SLC44A5: variants seen among roughly 807,000 people sequenced by gnomAD.
SLC44A5 encodes choline transporter-like protein 5.
A neutral mutation model predicts 101.8 loss-of-function variants in SLC44A5; 57 were observed. That is an observed-to-expected ratio of 0.56 (90% CI 0.45 to 0.70). The LOEUF is 0.70. SLC44A5 is among the 30% of genes least tolerant of loss of function. The pLI, the probability that SLC44A5 is intolerant of heterozygous loss-of-function variation, is 0.00. For synonymous variants in SLC44A5, 281 were observed against 290.9 expected (o/e 0.97, Z 0.35); for missense variants, 737 against 853.1 (o/e 0.86, Z 1.70).
chr1:75,465,881 G>A (rs1379660685), intron 2 of SLC44A5, among the ~76,000 whole-genome samples: 3 of 152,114 alleles, frequency 2.0e-5, no homozygotes, highest in Admixed American at 6.6e-5. Flanking sequence ...GATTGAAGCT[G>A]TTATAAAGTC....
intron 3 of SLC44A5, among the ~76,000 whole-genome samples, chr1:75,377,061 G>A (rs1033821066): frequency 1.3e-5 from 2 of 152,182 alleles, no homozygotes; most frequent in African/African-American, 4.8e-5. Flanking sequence ...GCTATCAACT[G>A]GAAGAAAGGG....
intron 4 of SLC44A5, among the ~76,000 whole-genome samples, chr1:75,310,219 C>G (rs1320949438): frequency 6.6e-6 from 1 of 152,156 alleles, no homozygotes; most frequent in Non-Finnish European, 1.5e-5. Context: ...TTAAATACAA[C>G]AGGAAGTGCT....
chr1:75,722,732 C>A, the SLC44A5 span, among the ~76,000 whole-genome samples: 1 of 152,134 alleles, frequency 6.6e-6, no homozygotes, highest in African/African-American at 2.4e-5. Context: ...AAAACAGTTC[C>A]TTTTGTCTTA....
At chr1:75,319,012 T>C (rs547952753) in intron 4 of SLC44A5, among the ~76,000 whole-genome samples, 1 of 152,182 alleles carries the variant, frequency 6.6e-6, no homozygotes, top group South Asian at 2.1e-4. Context: ...TATGTAAATC[T>C]TCAGAGATAT....
At chr1:75,692,380 A>G in the SLC44A5 span, among the ~76,000 whole-genome samples, 32 of 151,886 alleles carry the variant, frequency 2.1e-4, no homozygotes, top group Admixed American at 2.0e-3. Flanking sequence ...TATTTTTAAT[A>G]AAGACGGGGT....
At chr1:75,442,094 C>A (rs191418744) in intron 2 of SLC44A5, among the ~76,000 whole-genome samples, 8 of 152,242 alleles carry the variant, frequency 5.3e-5, no homozygotes, top group African/African-American at 1.9e-4. Flanking sequence ...AGTTAATTCT[C>A]ATAAAACTGC....
chr1:75,388,236 C>A (rs1323525435), intron 3 of SLC44A5, among the ~76,000 whole-genome samples: 52 of 88,206 alleles, frequency 5.9e-4, no homozygotes, highest in African/African-American at 2.7e-3. Flanking sequence ...ATAAATAAAT[C>A]CAAAAAAAAA....
At chr1:75,647,425 G>A in the SLC44A5 span, among the ~76,000 whole-genome samples, 56 of 152,302 alleles carry the variant, frequency 3.7e-4, no homozygotes, top group Non-Finnish European at 4.3e-4. Flanking sequence ...TGGGGTCAGA[G>A]CCCCAATATA....
At chr1:75,427,566 A>T (rs1313154955) in intron 2 of SLC44A5, among the ~76,000 whole-genome samples, 1 of 152,188 alleles carries the variant, frequency 6.6e-6, no homozygotes, top group East Asian at 1.9e-4. Context: ...GTCTCAAGGA[A>T]ATCACATTAT....
chr1:75,372,211 A>G (rs1193915727), intron 3 of SLC44A5, among the ~76,000 whole-genome samples: 1 of 151,994 alleles, frequency 6.6e-6, no homozygotes, highest in East Asian at 1.9e-4. Flanking sequence ...AAAAAAAAAA[A>G]AAAAACCTTC....
chr1:75,477,509 A>G (rs1367282082), intron 2 of SLC44A5, among the ~76,000 whole-genome samples: 1 of 152,306 alleles, frequency 6.6e-6, no homozygotes, highest in East Asian at 1.9e-4. Context: ...TTTGAAAAAA[A>G]TTTAGATGAA....
intron 6 of SLC44A5, among the ~76,000 whole-genome samples, chr1:75,265,602 A>G (rs671533): frequency 0.83 from 126,261 of 152,162 alleles, 52,663 homozygotes; most frequent in East Asian, 0.95. Context: ...ATAAATACTT[A>G]GGTGATGAAT....
At chr1:75,248,251 AC>A (rs1649281401) in intron 7 of SLC44A5, among the ~76,000 whole-genome samples, 1 of 152,128 alleles carries the variant, frequency 6.6e-6, no homozygotes, top group Admixed American at 6.6e-5. Flanking sequence ...TAAGAAGGTA[AC>A]ATTTGCAGAA....
intron 3 of SLC44A5, among the ~76,000 whole-genome samples, chr1:75,357,546 G>A (rs1659171867): frequency 6.6e-6 from 1 of 152,080 alleles, no homozygotes; most frequent in African/African-American, 2.4e-5. Context: ...TGCTTAAAGA[G>A]GAAACACAAA....
chr1:75,205,312 T>C (rs1398780797), intron 23 of SLC44A5: 1 of 152,234 alleles, frequency 6.6e-6, no homozygotes, highest in African/African-American at 2.4e-5. Context: ...CAGATCAACA[T>C]GTTCCTTTCT....
chr1:75,526,999 G>A (rs1172387458), intron 2 of SLC44A5, among the ~76,000 whole-genome samples: 1 of 151,930 alleles, frequency 6.6e-6, no homozygotes, highest in Non-Finnish European at 1.5e-5. Context: ...GCCGGGCATG[G>A]TGGCATGCAC....
intron 2 of SLC44A5, among the ~76,000 whole-genome samples, chr1:75,427,595 T>C (rs187723555): frequency 2.8e-4 from 43 of 152,284 alleles, no homozygotes; most frequent in Non-Finnish European, 5.0e-4. Flanking sequence ...GATACAGATA[T>C]AACAATACAG....
intron 3 of SLC44A5, among the ~76,000 whole-genome samples, chr1:75,394,107 G>T (rs2101379666): frequency 6.6e-6 from 1 of 152,218 alleles, no homozygotes; most frequent in Non-Finnish European, 1.5e-5. Flanking sequence ...CTTTAAGTGT[G>T]AGCGACTGGC....
intron 2 of SLC44A5, among the ~76,000 whole-genome samples, chr1:75,450,284 C>A (rs187918917): frequency 6.6e-6 from 1 of 152,254 alleles, no homozygotes; most frequent in East Asian, 1.9e-4. Context: ...AGCCCTGGAG[C>A]TAAGTTGGGG....
Sources: gnomAD v4.1 joint callset for allele counts (sites outside exome capture counted in the v4.1 genomes callset) on GRCh38, gnomAD v4.1.1 for gene constraint, MANE v1.5 for transcripts, NCBI Gene and HGNC (gene_info 2026-07-23, HGNC 2026-07-21) for gene names.